The following TMEM232 variants were observed in gnomAD, a reference collection of about 807,000 sequenced individuals.
TMEM232 encodes the protein transmembrane protein 232.
In TMEM232, 80 loss-of-function variants were observed where a neutral mutation model predicts 78.8. That is an observed-to-expected ratio of 1.01 (90% confidence interval 0.85 to 1.22). The LOEUF is 1.22. Ranked by LOEUF, TMEM232 falls within the 50% of genes most tolerant of loss-of-function variation. The pLI, the probability that TMEM232 is intolerant of heterozygous loss-of-function variation, is 0.00. For synonymous variants in TMEM232, 297 were observed against 254.3 expected (o/e 1.17, Z -1.60); for missense variants, 881 against 742.2 (o/e 1.19, Z -2.17).
chr5:110,526,840 T>C (rs1770674188), intron 12 of TMEM232, among the ~76,000 whole-genome samples: 1 of 151,900 alleles, frequency 6.6e-6, no homozygotes, highest in Non-Finnish European at 1.5e-5. Context: ...TAAATTATGA[T>C]ATATCCATAA....
intron 1 of TMEM232, among the ~76,000 whole-genome samples, chr5:110,672,296 C>G (rs1791457670): frequency 6.6e-6 from 1 of 152,160 alleles, no homozygotes; most frequent in Non-Finnish European, 1.5e-5. Flanking sequence ...TCTCAACATG[C>G]AAGTTCCACA....
chr5:110,722,001 A>G (rs2150350952), intron 1 of TMEM232, among the ~76,000 whole-genome samples: 1 of 151,972 alleles, frequency 6.6e-6, no homozygotes, highest in East Asian at 1.9e-4. Context: ...CAGCCAAACC[A>G]TTAGAGTGCT....
At chr5:110,689,889 G>C (rs752351674) in intron 1 of TMEM232, among the ~76,000 whole-genome samples, 6 of 152,134 alleles carry the variant, frequency 3.9e-5, no homozygotes, top group Non-Finnish European at 5.9e-5. Context: ...ATGGGGAAAG[G>C]ATTCCCCATT....
chr5:110,707,808 T>C (rs999488626), intron 1 of TMEM232, among the ~76,000 whole-genome samples: 1 of 152,120 alleles, frequency 6.6e-6, no homozygotes, highest in Non-Finnish European at 1.5e-5. Flanking sequence ...TTGTCTTACA[T>C]CTTGGATACC....
intron 12 of TMEM232, among the ~76,000 whole-genome samples, chr5:110,444,377 C>T (rs1759409872): frequency 6.6e-6 from 1 of 152,104 alleles, no homozygotes; most frequent in African/African-American, 2.4e-5. Flanking sequence ...CTAAAGTCCC[C>T]CAGTCACTGA....
intron 7 of TMEM232, among the ~76,000 whole-genome samples, chr5:110,622,992 T>TAATAAATAAATA (rs146087253): frequency 0.076 from 11,357 of 148,900 alleles, 499 homozygotes; most frequent in Admixed American, 0.11. Flanking sequence ...TAAAGTATAA[T>TAATAAATAAATA]AATAAATAAA....
chr5:110,524,396 AAAG>A (rs1561623702), intron 12 of TMEM232, among the ~76,000 whole-genome samples: 2,139 of 71,078 alleles, frequency 0.03, 47 homozygotes, highest in African/African-American at 0.15. Flanking sequence ...AGAAAGAAAG[AAAG>A]AAAGAAAGAA....
chr5:110,565,215 T>TA (rs781241164), intron 11 of TMEM232, among the ~76,000 whole-genome samples: 4 of 151,988 alleles, frequency 2.6e-5, no homozygotes, highest in Non-Finnish European at 5.9e-5. Flanking sequence ...TAATATAACT[T>TA]AGAGTATAAC....
chr5:110,681,370 T>C (rs1792730374), intron 1 of TMEM232, among the ~76,000 whole-genome samples: 1 of 152,176 alleles, frequency 6.6e-6, no homozygotes, highest in East Asian at 1.9e-4. Context: ...TGCTAGGTAC[T>C]TGGCTTCTGG....
At chr5:110,457,745 G>T (rs947168854) in intron 12 of TMEM232, among the ~76,000 whole-genome samples, 7 of 151,978 alleles carry the variant, frequency 4.6e-5, no homozygotes, top group African/African-American at 1.7e-4. Flanking sequence ...AGAGAAGGAA[G>T]TCACCTAAGA....
intron 7 of TMEM232, 57 bp downstream of exon 7, chr5:110,625,202 TAATCATAG>T: frequency 7.4e-7 from 1 of 1,356,832 alleles, no homozygotes; most frequent in South Asian, 1.8e-5. Flanking sequence ...CACCATTACT[TAATCATAG>T]TAATGATATC....
chr5:110,456,303 A>T (rs1390973270), intron 12 of TMEM232, among the ~76,000 whole-genome samples: 1 of 152,144 alleles, frequency 6.6e-6, no homozygotes, highest in African/African-American at 2.4e-5. Flanking sequence ...AAAAAGATAT[A>T]CAACAACAAA....
intron 12 of TMEM232, among the ~76,000 whole-genome samples, chr5:110,479,120 A>C (rs1763580667): frequency 6.6e-6 from 1 of 151,600 alleles, no homozygotes; most frequent in South Asian, 2.1e-4. Flanking sequence ...TTCCCCCTAA[A>C]ATATTCAAGC....
intron 5 of TMEM232, among the ~76,000 whole-genome samples, chr5:110,634,905 A>T (rs143427888): frequency 0.024 from 3,686 of 152,120 alleles, 47 homozygotes; most frequent in African/African-American, 0.032. Context: ...AACAAAATGA[A>T]AAAGTTTTTT....
At chr5:110,549,452 A>T (rs1774187143) in intron 11 of TMEM232, among the ~76,000 whole-genome samples, 1 of 151,812 alleles carries the variant, frequency 6.6e-6, no homozygotes, top group Non-Finnish European at 1.5e-5. Flanking sequence ...CAATCTCTAC[A>T]AAAAGTTAAC....
rs918900525 is a variant in TMEM232, at chr5:110,455,667, C to T, written c.1704-30751G>A. Among the ~76,000 whole-genome samples the T allele has an allele frequency of 5.9e-5, 9 of 152,236 alleles. 1 individual carries two copies. In the East Asian group the frequency reaches 1.4e-3, roughly 23 times the overall value. On this transcript the variant is annotated intron_variant, in intron 12 of 13. Coordinates refer to ENST00000455884, the MANE Select transcript of TMEM232 (RefSeq NM_001039763.4). ...TGCTGGGATTACAGGCATAAGCCAC[C>T]GCACCCGGCCCATGTAGATATAAAC...
At position 110,545,328 on chromosome 5, in the gene TMEM232, T is replaced by C. The variant is rs114362938; in HGVS notation, c.1456-16493A>G. Among the ~76,000 whole-genome samples, 192 of 152,170 alleles carry C rather than the reference T, an allele frequency of 1.3e-3. 1 individual carries two copies. Among genetic ancestry groups the C allele is most frequent in the African/African-American group, 4.4e-3 (184 of 41,576 alleles). Reference sequence around the variant, plus strand: ...GGAGAGCTGTGGGGCTCAAATGGGTTAATATACATTATATATATGTATATA... The same window carrying C: ...GGAGAGCTGTGGGGCTCAAATGGGTCAATATACATTATATATATGTATATA... On this transcript the variant is annotated intron_variant, in intron 11 of 13. Transcript: ENST00000455884.
chr5:110,674,103 A>T (rs988747418), intron 1 of TMEM232, among the ~76,000 whole-genome samples: 1 of 151,946 alleles, frequency 6.6e-6, no homozygotes, highest in Non-Finnish European at 1.5e-5. Context: ...GTTATTTTGC[A>T]ATTATTCTAA....
chr5:110,542,090 G>A (rs1297352512), intron 11 of TMEM232, among the ~76,000 whole-genome samples: 8 of 152,118 alleles, frequency 5.3e-5, no homozygotes, highest in African/African-American at 1.9e-4. Flanking sequence ...CCCCGGACCT[G>A]GAACCTGAAG....
Sources: allele counts gnomAD v4.1 joint callset (sites outside exome capture counted in the v4.1 genomes callset), GRCh38; gene constraint gnomAD v4.1.1; transcripts MANE v1.5; gene names NCBI Gene and HGNC (gene_info 2026-07-23, HGNC 2026-07-21).